Variants in KIAA1328 observed in about 807,000 individuals in gnomAD.
The protein encoded by KIAA1328 is KIAA1328.
In KIAA1328, 52 loss-of-function variants were observed where a neutral mutation model predicts 68.1. That is an observed-to-expected ratio of 0.76 (90% CI 0.61 to 0.96). The LOEUF is 0.96. Ranked by LOEUF, KIAA1328 falls within the 40% of genes least tolerant of loss-of-function variation. The probability of loss-of-function intolerance (pLI) is 0.00; values close to 1 mark genes in which losing one functional copy is unlikely to be tolerated. For missense variants in KIAA1328, 641 were observed against 677.6 expected, an observed-to-expected ratio of 0.95 and a Z score of 0.60; for synonymous variants, 232 against 239.4, an observed-to-expected ratio of 0.97 and a Z score of 0.28.
intron 7 of KIAA1328, among the ~76,000 whole-genome samples, chr18:37,130,477 GC>G (rs1180894631): frequency 6.6e-6 from 1 of 152,078 alleles, no homozygotes; most frequent in Non-Finnish European, 1.5e-5. Flanking sequence ...AATTAGCTGG[GC>G]ATGGTGGTGC....
At chr18:37,137,581 T>C (rs1239396415) in intron 7 of KIAA1328, among the ~76,000 whole-genome samples, 1 of 152,198 alleles carries the variant, frequency 6.6e-6, no homozygotes, top group Non-Finnish European at 1.5e-5. Context: ...GACTTCTCAA[T>C]AGTAGGTGAC....
At chr18:36,920,044 T>G (rs2049857481) in intron 5 of KIAA1328, among the ~76,000 whole-genome samples, 1 of 152,174 alleles carries the variant, frequency 6.6e-6, no homozygotes, top group Non-Finnish European at 1.5e-5. Flanking sequence ...TGTTGATAGT[T>G]TCTTTTGCTG....
intron 7 of KIAA1328, chr18:37,075,135 T>G (rs371487611): frequency 7.4e-5 from 11 of 149,508 alleles, no homozygotes; most frequent in African/African-American, 1.8e-4. Context: ...GCGGATCTCT[T>G]GGCAGAAACT....
intron 5 of KIAA1328, among the ~76,000 whole-genome samples, chr18:36,938,319 T>A (rs535315250): frequency 6.6e-6 from 1 of 152,246 alleles, no homozygotes; most frequent in South Asian, 2.1e-4. Flanking sequence ...CAATACCTTA[T>A]TGTTATTTTA....
chr18:36,933,314 A>T (rs1251277674), intron 5 of KIAA1328, among the ~76,000 whole-genome samples: 2 of 152,036 alleles, frequency 1.3e-5, no homozygotes, highest in Non-Finnish European at 2.9e-5. Flanking sequence ...GGAGAGAGAG[A>T]TAACCCCCTC....
At position 37,222,004 on chromosome 18, in the gene KIAA1328, A is replaced by G; in HGVS notation, c.1524-13A>G. 2 of 1,611,544 alleles carry G rather than the reference A, an allele frequency of 1.2e-6. No homozygotes were observed. The highest frequency in any genetic ancestry group is 1.7e-6 in the Non-Finnish European group (2 of 1,178,606). On this transcript the variant is annotated splice_polypyrimidine_tract_variant and intron_variant, in intron 9 of 9. Transcript: ENST00000280020. ...AATCTGATCCTTTCCTGTCTGGGTT[A>G]TATGTCTTACAGGTATGAGACATCT...
At chr18:37,057,284 T>C (rs902009849) in intron 6 of KIAA1328, among the ~76,000 whole-genome samples, 1 of 152,098 alleles carries the variant, frequency 6.6e-6, no homozygotes, top group Non-Finnish European at 1.5e-5. Context: ...GCAGGTCATA[T>C]ATAGCCCACT....
intron 8 of KIAA1328, among the ~76,000 whole-genome samples, chr18:37,163,688 T>G (rs534985203): frequency 5.3e-5 from 8 of 152,190 alleles, no homozygotes; most frequent in Non-Finnish European, 7.3e-5. Context: ...TGGATTAAAG[T>G]AGGTGACATG....
intron 9 of KIAA1328, among the ~76,000 whole-genome samples, chr18:37,193,267 A>G (rs1249195627): frequency 2.0e-5 from 3 of 152,326 alleles, no homozygotes; most frequent in African/African-American, 7.2e-5. Context: ...CTTGGAGCCA[A>G]TCAGTTCTAG....
rs565797202 is a variant in KIAA1328 at position 36,921,972 on chromosome 18, G to T, written c.448+36300G>T. 2.0e-5 allele frequency among the ~76,000 whole-genome samples: 3 copies of T among 151,640 alleles called. No individual in the cohort carries two copies. In the South Asian group the frequency reaches 6.3e-4, roughly 32 times the overall value. ...GACAGAGTCTCGCTCTTGTCCCCCA[G>T]GCCAGAGTGCAATGGCACGATCGTG... On this transcript the variant is annotated intron_variant, in intron 5 of 9. Transcript: ENST00000280020.
Position 36,893,450 on chromosome 18 carries a change from T to G in KIAA1328, c.448+7778T>G, listed in dbSNP as rs2048759898. Among the ~76,000 whole-genome samples, 3 of 139,656 alleles carry G rather than the reference T, an allele frequency of 2.1e-5. 1 individual carries two copies. 91.6% of individuals were successfully genotyped at this position (139,656 alleles called of 152,430 possible). A position where few individuals can be genotyped will look rare whatever the true frequency, so the allele number is the denominator to read the frequency against. On this transcript the variant is annotated intron_variant, in intron 5 of 9. Coordinates refer to ENST00000280020, the MANE Select transcript of KIAA1328 (RefSeq NM_020776.3). Reference sequence around the variant, plus strand: ...ACCTGGCTATTTGTGTGTGTGTGTGTGTGTGTGTGTGTTTTTGTGTGTGTG... The same window carrying G: ...ACCTGGCTATTTGTGTGTGTGTGTGGGTGTGTGTGTGTTTTTGTGTGTGTG...
At chr18:36,953,428 A>G (rs909771014) in intron 5 of KIAA1328, among the ~76,000 whole-genome samples, 1 of 149,806 alleles carries the variant, frequency 6.7e-6, no homozygotes, top group Non-Finnish European at 1.5e-5. Flanking sequence ...ATAGAGATAG[A>G]TAGATATATA....
At chr18:36,921,218 A>G (rs940484543) in intron 5 of KIAA1328, 7 of 150,078 alleles carry the variant, frequency 4.7e-5, no homozygotes, top group Admixed American at 2.0e-4. Context: ...CTGAAAAGAC[A>G]GTATTTATGG....
intron 8 of KIAA1328, among the ~76,000 whole-genome samples, chr18:37,172,226 A>C (rs958778199): frequency 6.6e-6 from 1 of 152,254 alleles, no homozygotes; most frequent in Non-Finnish European, 1.5e-5. Flanking sequence ...GAACCAGAAG[A>C]AAAACTGCAT....
intron 9 of KIAA1328, among the ~76,000 whole-genome samples, chr18:37,179,766 A>C (rs1400307640): frequency 6.6e-6 from 1 of 152,146 alleles, no homozygotes; most frequent in Admixed American, 6.6e-5. Context: ...AATTGCTTCC[A>C]GCTCCAGATA....
chr18:37,153,465 G>C (rs1335040126), intron 7 of KIAA1328, among the ~76,000 whole-genome samples: 18 of 151,954 alleles, frequency 1.2e-4, no homozygotes, highest in Non-Finnish European at 2.6e-4. Flanking sequence ...AACCCTGTTG[G>C]TTTAGAGTTG....
chr18:36,895,941 C>T (rs1285359185), intron 5 of KIAA1328, among the ~76,000 whole-genome samples: 1 of 152,094 alleles, frequency 6.6e-6, no homozygotes. Context: ...CACCAGAAAC[C>T]AAACCCGATC....
At chr18:37,141,746 G>A (rs965614257) in intron 7 of KIAA1328, among the ~76,000 whole-genome samples, 1 of 152,154 alleles carries the variant, frequency 6.6e-6, no homozygotes, top group Non-Finnish European at 1.5e-5. Context: ...TCCTTGCCAA[G>A]GCTTGGTATT....
downstream of KIAA1328, among the ~76,000 whole-genome samples, chr18:37,229,220 C>G (rs1344689270): frequency 6.6e-6 from 1 of 152,110 alleles, no homozygotes; most frequent in Non-Finnish European, 1.5e-5. Flanking sequence ...CGGTGGGTGC[C>G]AGGCAAGCAT....
Sources: allele counts gnomAD v4.1 joint callset (sites outside exome capture counted in the v4.1 genomes callset), GRCh38; gene constraint gnomAD v4.1.1; transcripts MANE v1.5; gene names NCBI Gene and HGNC (gene_info 2026-07-23, HGNC 2026-07-21).